Variants in HMGN3 observed in about 807,000 individuals in gnomAD.
HMGN3 encodes high mobility group nucleosome-binding domain-containing protein 3.
Under a neutral mutation model 18.8 loss-of-function variants are expected in HMGN3, and 6 were observed. The observed-to-expected ratio is 0.32, with a 90% CI of 0.18 to 0.63. The LOEUF is 0.63. HMGN3 is among the 30% of genes least tolerant of loss of function. The probability of loss-of-function intolerance (pLI) is 0.79; values close to 1 mark genes in which losing one functional copy is unlikely to be tolerated. For missense variants in HMGN3, 107 were observed against 114.2 expected, an observed-to-expected ratio of 0.94 and a Z score of 0.29; for synonymous variants, 40 against 36.5, an observed-to-expected ratio of 1.10 and a Z score of -0.35.
intron 1 of HMGN3, 110 bp downstream of exon 1, chr6:79,234,436 C>A: frequency 9.9e-7 from 1 of 1,014,592 alleles, no homozygotes; most frequent in East Asian, 2.4e-5. Flanking sequence ...AGCAAAGATT[C>A]CCAATCCCCG....
At chr6:79,217,574 G>C (rs1210005928) in intron 1 of HMGN3, among the ~76,000 whole-genome samples, 1 of 152,190 alleles carries the variant, frequency 6.6e-6, no homozygotes, top group Admixed American at 6.5e-5. Context: ...ATATTCAACA[G>C]AGCCTTAAAG....
intron 4 of HMGN3, among the ~76,000 whole-genome samples, 182 bp from the exon 5 acceptor site, chr6:79,202,571 G>A (rs1776201764): frequency 6.6e-6 from 1 of 152,182 alleles, no homozygotes; most frequent in Admixed American, 6.5e-5. Context: ...ACAAATATGA[G>A]TCTCTGTGAA....
intron 2 of HMGN3, among the ~76,000 whole-genome samples, chr6:79,211,908 T>C (rs1776708871): frequency 6.6e-6 from 1 of 152,176 alleles, no homozygotes; most frequent in African/African-American, 2.4e-5. Flanking sequence ...CACTGCACTT[T>C]GCTGGATACT....
intron 1 of HMGN3, among the ~76,000 whole-genome samples, chr6:79,229,827 G>A (rs772674538): frequency 6.6e-6 from 1 of 152,074 alleles, no homozygotes. Flanking sequence ...GCAGTGAGCT[G>A]AGATCGCGCT....
chr6:79,224,907 T>G (rs1223092377), intron 1 of HMGN3, among the ~76,000 whole-genome samples: 1 of 152,210 alleles, frequency 6.6e-6, no homozygotes, highest in Non-Finnish European at 1.5e-5. Context: ...TCCTTGTATT[T>G]TTGCAAAACT....
At chr6:79,215,441 G>A (rs28657719) in intron 1 of HMGN3, among the ~76,000 whole-genome samples, 1,722 of 152,230 alleles carry the variant, frequency 0.011, 34 homozygotes, top group African/African-American at 0.039. Flanking sequence ...TAAAGCCCAG[G>A]CCAACCACAA....
intron 1 of HMGN3, among the ~76,000 whole-genome samples, chr6:79,217,528 A>C (rs1378330928): frequency 6.6e-6 from 1 of 152,264 alleles, no homozygotes; most frequent in Admixed American, 6.5e-5. Context: ...GCAATAAAAA[A>C]GATCTTTAGT....
intron 5 of HMGN3, 114 bp from the exon 7 acceptor site, chr6:79,201,840 C>G: frequency 6.8e-7 from 1 of 1,468,138 alleles, no homozygotes; most frequent in South Asian, 1.4e-5. Flanking sequence ...TTTTTTTTTT[C>G]CAGCTTTACT....
In HMGN3 at chr6:79,204,331, T is replaced by A. The variant is rs78556087; in HGVS notation, c.97-701A>T. Among the ~76,000 whole-genome samples the A allele has an allele frequency of 3.7e-3, 566 of 152,338 alleles. 2 individuals carry two copies. Among genetic ancestry groups the A allele is most frequent in the African/African-American group, 0.013 (549 of 41,576 alleles). On this transcript the variant is annotated intron_variant, in intron 3 of 5. Coordinates refer to ENST00000344726, the Ensembl canonical transcript of HMGN3. ...AGATATTATTAGCCAAACAGTCCCCTAGGAAACTATTTTTCTCTTGCCTCA... is the reference window on the plus strand; with the variant it reads ...AGATATTATTAGCCAAACAGTCCCCAAGGAAACTATTTTTCTCTTGCCTCA...
chr6:79,217,156 A>C (rs540362090), intron 1 of HMGN3, among the ~76,000 whole-genome samples: 1 of 152,324 alleles, frequency 6.6e-6, no homozygotes, highest in African/African-American at 2.4e-5. Context: ...CTTCAGACAA[A>C]TGAACATAAG....
chr6:79,207,519 C>A (rs1157054714), intron 3 of HMGN3, among the ~76,000 whole-genome samples: 2 of 152,220 alleles, frequency 1.3e-5, no homozygotes, highest in East Asian at 1.9e-4. Context: ...CCACATGGAA[C>A]TATAAGTCCA....
intron 1 of HMGN3, among the ~76,000 whole-genome samples, chr6:79,233,318 A>AT (rs1296027859): frequency 1.3e-5 from 2 of 152,234 alleles, no homozygotes; most frequent in African/African-American, 4.8e-5. Context: ...TTATTTTTAA[A>AT]AAGTGGGGTA....
chr6:79,224,792 T>C (rs182071204), intron 1 of HMGN3, among the ~76,000 whole-genome samples: 228 of 152,330 alleles, frequency 1.5e-3, no homozygotes, highest in African/African-American at 5.3e-3. Context: ...TGTATTGTTA[T>C]AACAGGGCTC....
In HMGN3 at chr6:79,212,277, C is replaced by G. The variant is rs549726837; in HGVS notation, c.66+2695G>C. ...ACAAGTTCTAACACCCAGGGAAAAT[C>G]ATGTTTCTCTGAGAACTTTGCTCTA... On this transcript the variant is annotated intron_variant, in intron 2 of 5. Coordinates refer to ENST00000344726, the Ensembl canonical transcript of HMGN3. 3.9e-5 allele frequency among the ~76,000 whole-genome samples: 6 copies of G among 152,288 alleles called. No homozygotes were observed. In the South Asian group the frequency reaches 1.2e-3, roughly 32 times the overall value.
intron 1 of HMGN3, among the ~76,000 whole-genome samples, chr6:79,224,251 T>C (rs899136650): frequency 6.6e-6 from 1 of 152,202 alleles, no homozygotes; most frequent in African/African-American, 2.4e-5. Context: ...AAGTTCATAC[T>C]CTTATCCACT....
At chr6:79,204,239 T>G (rs989191) in intron 3 of HMGN3, among the ~76,000 whole-genome samples, 131,398 of 152,258 alleles carry the variant, frequency 0.86, 57,136 homozygotes, top group East Asian at 1. Flanking sequence ...GTCTAAAGGT[T>G]TTTATTGAGA....
chr6:79,210,783 T>C (rs868040293), intron 2 of HMGN3, among the ~76,000 whole-genome samples: 3 of 151,998 alleles, frequency 2.0e-5, no homozygotes, highest in South Asian at 2.1e-4. Context: ...GGCAAAATCA[T>C]GTGAAAAGTT....
intron 3 of HMGN3, among the ~76,000 whole-genome samples, chr6:79,204,575 C>T (rs750112448): frequency 3.3e-5 from 5 of 152,214 alleles, no homozygotes; most frequent in African/African-American, 4.8e-5. Context: ...GTGTACATCT[C>T]TCCTGGCACT....
chr6:79,234,474 G>C (rs947429455), intron 1 of HMGN3, 72 bp downstream of exon 1: 2 of 1,456,332 alleles, frequency 1.4e-6, no homozygotes, highest in Non-Finnish European at 1.9e-6. Flanking sequence ...TTCTGCGCGA[G>C]CCATTGCAAT....
Sources: gnomAD v4.1 joint callset for allele counts (sites outside exome capture counted in the v4.1 genomes callset) on GRCh38, gnomAD v4.1.1 for gene constraint, MANE v1.5 for transcripts, NCBI Gene and HGNC (gene_info 2026-07-23, HGNC 2026-07-21) for gene names.